The following IL1RAPL2 variants were observed in gnomAD, a reference collection of about 807,000 sequenced individuals.
IL1RAPL2 encodes interleukin 1 receptor accessory protein like 2, also known as X-linked interleukin-1 receptor accessory protein-like 2.
A neutral mutation model predicts 44.1 loss-of-function variants in IL1RAPL2; 3 were observed. That is an observed-to-expected ratio of 0.07 (90% confidence interval 0.03 to 0.18). The LOEUF is 0.18. IL1RAPL2 is among the 10% of genes least tolerant of loss of function. The pLI is 1.00. For synonymous variants in IL1RAPL2, 181 were observed against 178.8 expected, an observed-to-expected ratio of 1.01 and a Z score of -0.10; for missense variants, 391 against 496.4, an observed-to-expected ratio of 0.79 and a Z score of 2.02.
chrX:104,745,700 A>AAT (rs1932162590), intron 2 of IL1RAPL2, among the ~76,000 whole-genome samples: 1 of 111,979 alleles, frequency 8.9e-6, no homozygotes, highest in Admixed American at 9.5e-5. Flanking sequence ...TTTCAGATTA[A>AAT]GCAAAATTTT....
At chrX:105,303,147 A>T (rs1041302327) in intron 5 of IL1RAPL2, among the ~76,000 whole-genome samples, 1 of 112,130 alleles carries the variant, frequency 8.9e-6, no homozygotes, top group Non-Finnish European at 1.9e-5. Flanking sequence ...ACTGTCTTTC[A>T]TACCCTCTTT....
chrX:104,904,637 C>A lies in IL1RAPL2; in HGVS notation c.82+245642C>A, dbSNP rs1245428657. Among the ~76,000 whole-genome samples, 10 of 110,090 alleles carry A rather than the reference C, an allele frequency of 9.1e-5. No homozygotes were observed. The East Asian group carries it at 2.3e-3, about 25-fold the overall frequency. ...TCCCTACAAAGGACATGAACTCATC[C>A]TTTTTTATGGCTGCATAGTATTCCA... On this transcript the variant is annotated intron_variant, in intron 2 of 10. Transcript: ENST00000372582.
chrX:105,301,012 G>T (rs2034693344), intron 5 of IL1RAPL2, among the ~76,000 whole-genome samples: 1 of 111,451 alleles, frequency 9.0e-6, no homozygotes, highest in South Asian at 3.7e-4. Context: ...AAGAATTCAG[G>T]ATTCAAACTA....
intron 2 of IL1RAPL2, among the ~76,000 whole-genome samples, chrX:104,854,840 G>A (rs1394192633): frequency 9.0e-6 from 1 of 111,728 alleles, no homozygotes; most frequent in Non-Finnish European, 1.9e-5. Flanking sequence ...AGACATGAGG[G>A]AGTCACAAAA....
chrX:105,404,936 C>T (rs973720152), intron 5 of IL1RAPL2, among the ~76,000 whole-genome samples: 10 of 111,738 alleles, frequency 8.9e-5, no homozygotes, highest in Non-Finnish European at 1.9e-4. Context: ...TATTCTATGA[C>T]CAAGTTTATG....
chrX:105,381,814 G>A (rs981720197), intron 5 of IL1RAPL2, among the ~76,000 whole-genome samples: 5 of 110,843 alleles, frequency 4.5e-5, no homozygotes, highest in African/African-American at 1.3e-4. Flanking sequence ...TATAGTTACC[G>A]CATATCTACA....
chrX:105,214,830 G>A (rs1329569138), intron 3 of IL1RAPL2, among the ~76,000 whole-genome samples: 2 of 111,949 alleles, frequency 1.8e-5, no homozygotes, highest in East Asian at 2.8e-4. Context: ...ACTCAAAACC[G>A]CACAACTACA....
At chrX:105,124,355 A>C (rs1394132907) in intron 2 of IL1RAPL2, among the ~76,000 whole-genome samples, 2 of 110,829 alleles carry the variant, frequency 1.8e-5, no homozygotes, top group Non-Finnish European at 3.8e-5. Flanking sequence ...TTTTGTGTAC[A>C]CTTTCAAGGG....
In IL1RAPL2 at chrX:104,820,251, G is replaced by A. The variant is rs900635676; in HGVS notation, c.82+161256G>A. Among the ~76,000 whole-genome samples the A allele has an allele frequency of 6.3e-5, 7 of 111,563 alleles. No individual in the cohort carries two copies. The East Asian group carries it at 1.4e-3, about 23-fold the overall frequency. On this transcript the variant is annotated intron_variant, in intron 2 of 10. Coordinates refer to ENST00000372582, the MANE Select transcript of IL1RAPL2 (RefSeq NM_017416.2). Reference sequence around the variant, plus strand: ...TGGGTTTCACTGGTTTTAAACATCCGTTGTTATTGGTATCATGTATCTGCT... The same window carrying A: ...TGGGTTTCACTGGTTTTAAACATCCATTGTTATTGGTATCATGTATCTGCT...
intron 2 of IL1RAPL2, among the ~76,000 whole-genome samples, chrX:105,037,908 G>T (rs1330682390): frequency 7.2e-5 from 8 of 111,716 alleles, no homozygotes. Context: ...ACTAGAGGAG[G>T]AGTAGGAGGG....
intron 4 of IL1RAPL2, among the ~76,000 whole-genome samples, chrX:105,259,254 T>C (rs1323846430): frequency 9.0e-6 from 1 of 111,483 alleles, no homozygotes; most frequent in Non-Finnish European, 1.9e-5. Context: ...ATAGGCTTAT[T>C]GGTCAGTTGG....
chrX:104,994,089 G>A (rs2030709214), intron 2 of IL1RAPL2, among the ~76,000 whole-genome samples: 1 of 111,805 alleles, frequency 8.9e-6, no homozygotes, highest in Non-Finnish European at 1.9e-5. Flanking sequence ...ACTTGCTAAT[G>A]AATGTTCATT....
At chrX:104,712,878 G>T (rs181644120) in intron 2 of IL1RAPL2, among the ~76,000 whole-genome samples, 2 of 110,919 alleles carry the variant, frequency 1.8e-5, no homozygotes, top group African/African-American at 6.5e-5. Flanking sequence ...GGTAGATTTT[G>T]ACTGAAACAG....
At chrX:104,862,200 C>T (rs112775299) in intron 2 of IL1RAPL2, among the ~76,000 whole-genome samples, 47 of 111,127 alleles carry the variant, frequency 4.2e-4, no homozygotes, top group African/African-American at 1.5e-3. Flanking sequence ...TTTTATGTCA[C>T]ATTAAAGATC....
In IL1RAPL2 at chrX:104,950,999, C is replaced by T. The variant is rs779547900; in HGVS notation, c.83-244476C>T. On this transcript the variant is annotated intron_variant, in intron 2 of 10. Transcript: ENST00000372582. Reference sequence around the variant, plus strand: ...GGAAAGGGAACTCCCTGACCCCTTGCGCTTCCCGAGTGAGGCAATGCCTCG... The same window carrying T: ...GGAAAGGGAACTCCCTGACCCCTTGTGCTTCCCGAGTGAGGCAATGCCTCG... Among the ~76,000 whole-genome samples the T allele has an allele frequency of 6.2e-5, 7 of 112,199 alleles. No individual in the cohort carries two copies. In the East Asian group the frequency reaches 1.7e-3, roughly 27 times the overall value.
chrX:104,684,006 C>G (rs1930936496), intron 2 of IL1RAPL2, among the ~76,000 whole-genome samples: 1 of 111,628 alleles, frequency 9.0e-6, no homozygotes, highest in South Asian at 3.8e-4. Flanking sequence ...AGAGTCACAC[C>G]CAGGGTACAT....
chrX:105,227,544 A>C (rs2034029356), intron 3 of IL1RAPL2, among the ~76,000 whole-genome samples: 1 of 112,205 alleles, frequency 8.9e-6, no homozygotes, highest in Non-Finnish European at 1.9e-5. Flanking sequence ...TCTTATTAGC[A>C]TAGATATTTT....
At chrX:105,365,919 G>A (rs758237430) in intron 5 of IL1RAPL2, among the ~76,000 whole-genome samples, 1 of 109,318 alleles carries the variant, frequency 9.1e-6, no homozygotes, top group East Asian at 2.9e-4. Context: ...TGGGACTACA[G>A]GTGCACACCA....
intron 3 of IL1RAPL2, among the ~76,000 whole-genome samples, chrX:105,214,096 A>G (rs2033830927): frequency 9.6e-6 from 1 of 103,921 alleles, no homozygotes; most frequent in Non-Finnish European, 2.0e-5. Flanking sequence ...CATCATGATG[A>G]CAGGATCAAA....
Sources: gnomAD v4.1 joint callset for allele counts (sites outside exome capture counted in the v4.1 genomes callset) on GRCh38, gnomAD v4.1.1 for gene constraint, MANE v1.5 for transcripts, NCBI Gene and HGNC (gene_info 2026-07-23, HGNC 2026-07-21) for gene names.